Variants in IL1RL1 observed in about 807,000 individuals in gnomAD.
IL1RL1 encodes the protein interleukin 1 receptor like 1, also known as interleukin-1 receptor-like 1.
IL1RL1 carries 32 observed loss-of-function variants against 50.9 expected under a neutral mutation model. The observed-to-expected ratio is 0.63, with a 90% CI of 0.47 to 0.84. IL1RL1 has a LOEUF of 0.84. IL1RL1 is among the 40% of genes least tolerant of loss of function. The probability of loss-of-function intolerance (pLI) is 0.00; values close to 1 mark genes in which losing one functional copy is unlikely to be tolerated. For missense variants in IL1RL1, 773 were observed against 662.9 expected (o/e 1.17, Z -1.82); for synonymous variants, 275 against 236.0 (o/e 1.17, Z -1.51).
chr2:102,325,589 A>G (rs1178938490), intron 1 of IL1RL1, among the ~76,000 whole-genome samples: 1 of 152,208 alleles, frequency 6.6e-6, no homozygotes, highest in Admixed American at 6.5e-5. Context: ...ATGGCAAAGA[A>G]GTTAAAAACC....
chr2:102,342,046 CGTGTGTGTGTGT>C (rs67962088), intron 5 of IL1RL1, among the ~76,000 whole-genome samples, 165 bp from the exon 6 acceptor site: 35,525 of 144,070 alleles, frequency 0.25, 4,529 homozygotes, highest in East Asian at 0.39. Flanking sequence ...CTTTCTGTTT[CGTGTGTGTGTGT>C]GTGTGTGTGT....
chr2:102,332,335 G>T (rs1677198635), intron 1 of IL1RL1, among the ~76,000 whole-genome samples: 1 of 152,154 alleles, frequency 6.6e-6, no homozygotes, highest in African/African-American at 2.4e-5. Context: ...GATTGGTCAG[G>T]AACTCAAACA....
At chr2:102,323,247 T>TTATATATATATATATATATA (rs371889389) in intron 1 of IL1RL1, among the ~76,000 whole-genome samples, 78 of 98,608 alleles carry the variant, frequency 7.9e-4, no homozygotes, top group African/African-American at 2.9e-3. Flanking sequence ...TTGTTAGGTT[T>TTATATATATATATATATATA]TATATATATA....
At position 102,334,277 on chromosome 2, in the gene IL1RL1, A is replaced by C. The variant is rs368572864; in HGVS notation, c.-149-3839A>C. 7.2e-5 allele frequency among the ~76,000 whole-genome samples: 11 copies of C among 152,300 alleles called. 1 individual carries two copies. The East Asian group carries it at 1.5e-3, about 21-fold the overall frequency. ...TTTGAGTTTTTGATAATAGCCATTC[A>C]GACGGGTCTTCTGGTTTTTGGAGGG... On this transcript the variant is annotated intron_variant, in intron 1 of 10. Coordinates refer to ENST00000233954, the MANE Select transcript of IL1RL1 (RefSeq NM_016232.5).
chr2:102,325,553 C>T (rs189872008), intron 1 of IL1RL1, among the ~76,000 whole-genome samples: 11 of 152,100 alleles, frequency 7.2e-5, no homozygotes, highest in African/African-American at 2.4e-4. Context: ...CAAACTACAC[C>T]GAGCTAAAGG....
intron 8 of IL1RL1, chr2:102,343,800 T>C: frequency 1.8e-6 from 2 of 1,097,218 alleles, no homozygotes; most frequent in Non-Finnish European, 1.1e-6. Context: ...TTACATGTTG[T>C]AAGCATGGTC....
At chr2:102,352,172 T>G, downstream of IL1RL1, 1 of 453,092 alleles carries the variant, frequency 2.2e-6, no homozygotes, top group Non-Finnish European at 3.9e-6. Context: ...TTGCCTGTCT[T>G]CACTGTGGTG....
intron 1 of IL1RL1, among the ~76,000 whole-genome samples, chr2:102,324,121 T>C (rs1222915693): frequency 6.6e-6 from 1 of 152,094 alleles, no homozygotes; most frequent in African/African-American, 2.4e-5. Context: ...GCTATATGAA[T>C]TGAACTGGTA....
At chr2:102,337,782 A>G (rs1489217635) in intron 1 of IL1RL1, among the ~76,000 whole-genome samples, 1 of 151,942 alleles carries the variant, frequency 6.6e-6, no homozygotes, top group Non-Finnish European at 1.5e-5. Context: ...TATTTTCTAA[A>G]GTCTACTGAA....
At chr2:102,342,941 T>C in intron 6 of IL1RL1, 95 bp from the exon 7 acceptor site, 2 of 1,240,532 alleles carry the variant, frequency 1.6e-6, no homozygotes, top group Non-Finnish European at 2.3e-6. Flanking sequence ...GGGTGCATAC[T>C]AAGTGTTCAG....
rs923268693 is a variant in IL1RL1, at chr2:102,339,947, G to A, written c.273-151G>A. ...GTAACAAAAAAGTATTTAAACTCTAGATTTTAATGTTTATTTTTAAATAAT... is the reference window on the plus strand; with the variant it reads ...GTAACAAAAAAGTATTTAAACTCTAAATTTTAATGTTTATTTTTAAATAAT... On this transcript the variant is annotated intron_variant, in intron 3 of 10. Coordinates refer to ENST00000233954, the MANE Select transcript of IL1RL1 (RefSeq NM_016232.5). The A allele has an allele frequency of 6.6e-5, 29 of 439,262 alleles. 2 individuals carry two copies. The Middle Eastern group carries it at 4.3e-3, about 65-fold the overall frequency. 27.2% of individuals were successfully genotyped at this position (439,262 alleles called of 1,614,324 possible).
chr2:102,341,332 A>C, intron 5 of IL1RL1: 1 of 1,239,076 alleles, frequency 8.1e-7, no homozygotes, highest in Non-Finnish European at 1.0e-6. Context: ...TGTTTGCAAT[A>C]CTTTCAACAT....
chr2:102,313,725 C>G (rs1055168117), intron 1 of IL1RL1, among the ~76,000 whole-genome samples: 32 of 152,218 alleles, frequency 2.1e-4, no homozygotes, highest in African/African-American at 7.0e-4. Flanking sequence ...AGGCTGACAT[C>G]CATGTCCAAG....
At chr2:102,316,592 G>A (rs536415829) in intron 1 of IL1RL1, among the ~76,000 whole-genome samples, 8 of 152,232 alleles carry the variant, frequency 5.3e-5, no homozygotes, top group African/African-American at 1.9e-4. Context: ...AAAAAAGAAA[G>A]CAATCAAACC....
chr2:102,315,846 C>T (rs1253255321), intron 1 of IL1RL1, among the ~76,000 whole-genome samples: 1 of 152,206 alleles, frequency 6.6e-6, no homozygotes, highest in Non-Finnish European at 1.5e-5. Context: ...TTGAAACTAA[C>T]ACATTCCTCA....
intron 1 of IL1RL1, among the ~76,000 whole-genome samples, chr2:102,312,020 A>ATATTT (rs1238230079): frequency 1.9e-5 from 1 of 52,780 alleles, no homozygotes; most frequent in Admixed American, 3.1e-4. Flanking sequence ...TATTATATAT[A>ATATTT]ATATATATTA....
Position 102,343,143 on chromosome 2 carries a change from C to T in IL1RL1, c.790C>T (p.Pro264Ser). ...NGTKITDFGEPRIQQEEGQNQ... is the reference protein window; with the variant it reads ...NGTKITDFGESRIQQEEGQNQ... Reference sequence around the variant, plus strand: ...AACAAAAATTACAGACTTTGGTGAACCAAGAATTCAACAAGAGGAAGGGCA... The same window carrying T: ...AACAAAAATTACAGACTTTGGTGAATCAAGAATTCAACAAGAGGAAGGGCA... The change falls in exon 7 of 11, where the codon CCA (proline) becomes TCA (serine). Residue 264 changes from proline (P) to serine (S), a missense_variant. Pro to Ser is a moderately conservative substitution (Grantham distance 74). Coordinates refer to ENST00000233954, the MANE Select transcript of IL1RL1 (RefSeq NM_016232.5). 6.2e-7 allele frequency: 1 copy of T among 1,613,968 alleles called. No individual in the cohort carries two copies. The highest frequency in any genetic ancestry group is 1.3e-5 in the African/African-American group (1 of 74,974).
At chr2:102,343,234 A>G (rs2104992290) in intron 7 of IL1RL1, 36 bp from the exon 8 acceptor site, 1 of 1,614,104 alleles carries the variant, frequency 6.2e-7, no homozygotes, top group Non-Finnish European at 8.5e-7. Context: ...TTGCACCTGC[A>G]AAGTAGGCAT....
chr2:102,325,806 A>C (rs1420517724), intron 1 of IL1RL1, among the ~76,000 whole-genome samples: 1 of 152,254 alleles, frequency 6.6e-6, no homozygotes, highest in African/African-American at 2.4e-5. Flanking sequence ...TAGAGAAAGT[A>C]GAATAAAAGG....
Sources: allele counts gnomAD v4.1 joint callset (sites outside exome capture counted in the v4.1 genomes callset), GRCh38; gene constraint gnomAD v4.1.1; transcripts MANE v1.5; gene names NCBI Gene and HGNC (gene_info 2026-07-23, HGNC 2026-07-21).